Variants in MBNL1 observed in about 807,000 individuals in gnomAD.
MBNL1 encodes muscleblind like splicing regulator 1, also known as muscleblind-like protein 1.
In MBNL1, 8 loss-of-function variants were observed where a neutral mutation model predicts 42.2. The observed-to-expected ratio is 0.19, with a 90% CI of 0.11 to 0.34. The LOEUF (loss-of-function observed/expected upper bound fraction) is 0.34, where lower values mean the gene tolerates loss of function less well. MBNL1 is among the 10% of genes least tolerant of loss of function. The pLI is 1.00. For synonymous variants in MBNL1, 169 were observed against 173.9 expected (o/e 0.97, Z 0.22); for missense variants, 309 against 495.3 (o/e 0.62, Z 3.57).
At chr3:152,252,642 A>G (rs1046376549) in intron 2 of MBNL1, among the ~76,000 whole-genome samples, 1 of 152,080 alleles carries the variant, frequency 6.6e-6, no homozygotes, top group African/African-American at 2.4e-5. Flanking sequence ...CCTCCTTTGC[A>G]TTCCAAAAAG....
intron 2 of MBNL1, among the ~76,000 whole-genome samples, chr3:152,257,213 A>T (rs185211077): frequency 1.3e-5 from 2 of 152,292 alleles, no homozygotes; most frequent in Admixed American, 1.3e-4. Context: ...GCACTCCTGA[A>T]ATATAAGCCA....
intron 6 of MBNL1, among the ~76,000 whole-genome samples, 166 bp from the exon 7 acceptor site, chr3:152,455,376 T>G (rs569057596): frequency 9.8e-5 from 15 of 152,358 alleles, no homozygotes; most frequent in African/African-American, 3.4e-4. Flanking sequence ...AATTGATCAC[T>G]GTGCTATTGT....
intron 1 of MBNL1, chr3:152,269,849 A>G (rs2149695471): frequency 6.2e-6 from 1 of 161,430 alleles, no homozygotes; most frequent in African/African-American, 2.4e-5. Context: ...GAAAAGAATG[A>G]AAAGTAGTTA....
At chr3:152,353,223 T>C (rs1217363724) in intron 2 of MBNL1, among the ~76,000 whole-genome samples, 1 of 152,206 alleles carries the variant, frequency 6.6e-6, no homozygotes, top group Non-Finnish European at 1.5e-5. Context: ...ATCCAACTAC[T>C]CAGGAATCCA....
intron 2 of MBNL1, among the ~76,000 whole-genome samples, chr3:152,318,717 C>G (rs1210426009): frequency 6.6e-6 from 1 of 152,110 alleles, no homozygotes; most frequent in African/African-American, 2.4e-5. Flanking sequence ...TTTATCATTA[C>G]TACATAGATC....
chr3:152,321,414 A>G (rs746308290), intron 2 of MBNL1, among the ~76,000 whole-genome samples: 3 of 152,052 alleles, frequency 2.0e-5, no homozygotes, highest in Non-Finnish European at 2.9e-5. Flanking sequence ...CTGCTAATCC[A>G]TTATTTTAGT....
At chr3:152,246,886 C>A (rs560035189) in intron 2 of MBNL1, among the ~76,000 whole-genome samples, 2 of 152,074 alleles carry the variant, frequency 1.3e-5, no homozygotes, top group African/African-American at 4.8e-5. Flanking sequence ...CACAAGATGA[C>A]CTTCCCAAAG....
At chr3:152,417,403 T>G (rs2098719949) in intron 3 of MBNL1, among the ~76,000 whole-genome samples, 1 of 152,304 alleles carries the variant, frequency 6.6e-6, no homozygotes, top group East Asian at 1.9e-4. Context: ...AGACATGGCA[T>G]TAACTTGGAT....
At chr3:152,376,349 A>G (rs2096899429) in intron 2 of MBNL1, among the ~76,000 whole-genome samples, 2 of 152,224 alleles carry the variant, frequency 1.3e-5, no homozygotes, top group Non-Finnish European at 2.9e-5. Flanking sequence ...TCGAGGAAAC[A>G]TACATTGAAT....
intron 3 of MBNL1, among the ~76,000 whole-genome samples, chr3:152,422,736 T>A (rs535510906): frequency 1.3e-5 from 2 of 152,134 alleles, no homozygotes; most frequent in African/African-American, 4.8e-5. Context: ...AGAACAGATA[T>A]CATAAACAGT....
At chr3:152,414,020 G>A (rs562290609) in intron 2 of MBNL1, among the ~76,000 whole-genome samples, 2 of 152,088 alleles carry the variant, frequency 1.3e-5, no homozygotes, top group South Asian at 2.1e-4. Context: ...GTGCTCAGGA[G>A]ATCTCTTGCC....
At chr3:152,386,513 A>G (rs2097430804) in intron 2 of MBNL1, among the ~76,000 whole-genome samples, 1 of 152,134 alleles carries the variant, frequency 6.6e-6, no homozygotes, top group African/African-American at 2.4e-5. Flanking sequence ...AATGCTTCAC[A>G]AAGTAAAAGT....
At chr3:152,423,808 A>G (rs780826181) in intron 3 of MBNL1, among the ~76,000 whole-genome samples, 4 of 152,262 alleles carry the variant, frequency 2.6e-5, no homozygotes, top group Non-Finnish European at 5.9e-5. Flanking sequence ...AATCCATCAC[A>G]TAAACAGAAC....
rs999494445 is a variant in MBNL1 at position 152,381,071 on chromosome 3, G to C, written c.175-33870G>C. ...GACAAATCCAAATGGCAACAACCAT[G>C]CATCTTTTCTCAAACTAAGATTTTA... is the stretch of plus-strand genomic sequence containing the variant. On this transcript the variant is annotated intron_variant, in intron 2 of 9. Coordinates refer to ENST00000324210, the MANE Select transcript of MBNL1 (RefSeq NM_021038.5). 1.1e-4 allele frequency among the ~76,000 whole-genome samples: 17 copies of C among 152,092 alleles called. 1 individual carries two copies. The highest frequency in any genetic ancestry group is 9.2e-4 in the Admixed American group (14 of 15,244).
At chr3:152,307,589 A>G (rs1309003585) in intron 2 of MBNL1, among the ~76,000 whole-genome samples, 2 of 152,118 alleles carry the variant, frequency 1.3e-5, no homozygotes, top group Admixed American at 6.5e-5. Context: ...TGTTACTTCC[A>G]TTTCACAGAT....
intron 2 of MBNL1, among the ~76,000 whole-genome samples, chr3:152,337,720 T>C (rs975892191): frequency 2.6e-4 from 39 of 152,136 alleles, no homozygotes; most frequent in African/African-American, 9.4e-4. Context: ...TTCCATCTTT[T>C]GTTCTTCTCA....
intron 1 of MBNL1, among the ~76,000 whole-genome samples, chr3:152,283,021 G>A (rs922078783): frequency 6.6e-6 from 1 of 152,162 alleles, no homozygotes; most frequent in African/African-American, 2.4e-5. Flanking sequence ...TGGAAGCCTT[G>A]TAAGTTTCAG....
Position 152,299,717 on chromosome 3 carries a change from CA to C in MBNL1, c.-474del. ...TCTAAACTGCTGCATCTGTCTATGC[CA>C]AACTAATCAATACCGATTGCACCAC... On this transcript the variant is annotated 5_prime_UTR_variant, in exon 2 of 10. The change abolishes the stop of an existing upstream ORF in the 5' untranslated region. Transcript: ENST00000324210. 2.5e-6 allele frequency: 1 copy of C among 398,928 alleles called. No individual in the cohort carries two copies. The allele number at this position is 398,928 out of a possible 1,614,324, so 24.7% of individuals were successfully genotyped here.
At chr3:152,325,396 G>A (rs564374612) in intron 2 of MBNL1, among the ~76,000 whole-genome samples, 2 of 152,096 alleles carry the variant, frequency 1.3e-5, no homozygotes, top group South Asian at 2.1e-4. Context: ...TGCCTGACAC[G>A]TAGTAGACTG....
Sources: gnomAD v4.1 joint callset for allele counts (sites outside exome capture counted in the v4.1 genomes callset) on GRCh38, gnomAD v4.1.1 for gene constraint, MANE v1.5 for transcripts, NCBI Gene and HGNC (gene_info 2026-07-23, HGNC 2026-07-21) for gene names.